Variants in EYA4 observed in about 807,000 individuals in gnomAD.
The protein encoded by EYA4 is EYA transcriptional coactivator and phosphatase 4, also known as protein phosphatase EYA4.
In EYA4, 31 loss-of-function variants were observed where a neutral mutation model predicts 87.9. That is an observed-to-expected ratio of 0.35 (90% CI 0.27 to 0.48). EYA4 has a LOEUF of 0.48. EYA4 is among the 20% of genes least tolerant of loss of function. The pLI is 0.99. For missense variants in EYA4, 678 were observed against 761.4 expected, an observed-to-expected ratio of 0.89 and a Z score of 1.29; for synonymous variants, 263 against 270.6, an observed-to-expected ratio of 0.97 and a Z score of 0.28.
chr6:133,385,547 TC>T (rs1786677221), intron 3 of EYA4, among the ~76,000 whole-genome samples: 1 of 151,904 alleles, frequency 6.6e-6, no homozygotes, highest in Non-Finnish European at 1.5e-5. Context: ...AAATACTGTA[TC>T]CGCATAAAAT....
At chr6:133,504,793 C>A (rs1458729444) in intron 13 of EYA4, among the ~76,000 whole-genome samples, 1 of 152,076 alleles carries the variant, frequency 6.6e-6, no homozygotes, top group Non-Finnish European at 1.5e-5. Context: ...TACTGCTTGG[C>A]CTGACCTGGG....
chr6:133,530,071 C>A lies in EYA4; in HGVS notation c.*1266C>A. 1 of 984,902 alleles carries A rather than the reference C, an allele frequency of 1.0e-6. No homozygotes were observed. Among genetic ancestry groups the A allele is most frequent in the Non-Finnish European group, 1.2e-6 (1 of 829,438 alleles). 61.0% of individuals were successfully genotyped at this position (984,902 alleles called of 1,614,324 possible). A position where few individuals can be genotyped will look rare whatever the true frequency, so the allele number is the denominator to read the frequency against. ...ATATCATCAGAAATGGAAGGCAGTT[C>A]TCCCAGATGGTGTCTAATGAAAGCA... On this transcript the variant is annotated 3_prime_UTR_variant, in exon 20 of 20. Transcript: ENST00000355286.
chr6:133,429,137 G>T (rs964077177), intron 3 of EYA4, among the ~76,000 whole-genome samples: 3 of 151,596 alleles, frequency 2.0e-5, no homozygotes, highest in Admixed American at 2.0e-4. Context: ...ATGTCAGTCA[G>T]GCTGGTCTCT....
intron 5 of EYA4, 47 bp downstream of exon 5, chr6:133,448,226 G>A (rs1793056568): frequency 1.4e-6 from 2 of 1,408,202 alleles, no homozygotes; most frequent in South Asian, 2.3e-5. Flanking sequence ...GTGTGGATTT[G>A]CCCCTCTGGA....
chr6:133,311,654 A>G (rs1193550479), intron 2 of EYA4, among the ~76,000 whole-genome samples: 1 of 152,108 alleles, frequency 6.6e-6, no homozygotes. Flanking sequence ...CCTCACCTCC[A>G]AAGCCCTTCA....
intron 11 of EYA4, among the ~76,000 whole-genome samples, chr6:133,476,219 A>G (rs571657763): frequency 7.2e-5 from 11 of 152,116 alleles, no homozygotes; most frequent in Non-Finnish European, 1.6e-4. Flanking sequence ...GAGCTGATTA[A>G]CATATGCATT....
In EYA4 at chr6:133,481,473, T is replaced by C; in HGVS notation, c.981T>C (p.Asp327=). 6.2e-7 allele frequency: 1 copy of C among 1,613,830 alleles called. No individual in the cohort carries two copies. The highest frequency in any genetic ancestry group is 8.5e-7 in the Non-Finnish European group (1 of 1,179,820). ...TCATGTTATCTATAGGAGAGTTCGA[T>C]ACCATGCAGAGTCCCTCCACACCCA... ...PGLTNQPGEF[D]TMQSPSTPIK... The change falls in exon 12 of 20, where the codon GAT becomes GAC. Residue 327 remains aspartate, a synonymous_variant. Transcript: ENST00000355286.
intron 6 of EYA4, among the ~76,000 whole-genome samples, chr6:133,459,768 T>C (rs1178013214): frequency 6.6e-6 from 1 of 152,108 alleles, no homozygotes; most frequent in Non-Finnish European, 1.5e-5. Context: ...AAGTAATAGT[T>C]TATTGGTCAA....
At chr6:133,258,759 C>G (rs183381928) in intron 1 of EYA4, among the ~76,000 whole-genome samples, 1 of 152,004 alleles carries the variant, frequency 6.6e-6, no homozygotes, top group East Asian at 1.9e-4. Flanking sequence ...AGCATTTGGA[C>G]CCCTGGGAGA....
chr6:133,408,402 T>G (rs564829739), intron 3 of EYA4, among the ~76,000 whole-genome samples: 1 of 152,216 alleles, frequency 6.6e-6, no homozygotes, highest in Non-Finnish European at 1.5e-5. Flanking sequence ...GAATGATTTA[T>G]GTAGAGGTTA....
intron 2 of EYA4, among the ~76,000 whole-genome samples, chr6:133,317,480 T>A (rs1780717872): frequency 6.6e-6 from 1 of 152,206 alleles, no homozygotes; most frequent in Non-Finnish European, 1.5e-5. Context: ...TTAATAATAA[T>A]GTATTTCTGC....
At chr6:133,412,794 C>T (rs1346583508) in intron 3 of EYA4, among the ~76,000 whole-genome samples, 1 of 152,188 alleles carries the variant, frequency 6.6e-6, no homozygotes, top group African/African-American at 2.4e-5. Context: ...CTTTTCTCTT[C>T]ATCTTCTTTA....
chr6:133,365,938 A>G (rs1314877331), intron 2 of EYA4, among the ~76,000 whole-genome samples: 3 of 152,212 alleles, frequency 2.0e-5, no homozygotes, highest in Non-Finnish European at 2.9e-5. Context: ...ATTCCAGAGC[A>G]TCGGAATACA....
intron 12 of EYA4, among the ~76,000 whole-genome samples, chr6:133,482,433 T>C (rs529758190): frequency 1.4e-4 from 21 of 152,314 alleles, no homozygotes; most frequent in African/African-American, 5.1e-4. Flanking sequence ...CACTGCCATG[T>C]AGGAATGGCA....
intron 2 of EYA4, among the ~76,000 whole-genome samples, chr6:133,285,804 TAGAA>T (rs1388075532): frequency 4.6e-5 from 7 of 152,140 alleles, no homozygotes; most frequent in Non-Finnish European, 8.8e-5. Context: ...TGGATTATGA[TAGAA>T]AGAAAGGTGT....
At chr6:133,310,420 T>C (rs972268427) in intron 2 of EYA4, among the ~76,000 whole-genome samples, 1 of 152,232 alleles carries the variant, frequency 6.6e-6, no homozygotes, top group South Asian at 2.1e-4. Context: ...AGCTAATCAT[T>C]TGACATATAA....
rs564432203 is a variant in EYA4, at chr6:133,485,972, G to A, written c.1191+2857G>A. ...TCAGATAAACTTAAGTTCGAAAATC[G>A]AGTTCTGATGCTTACAGCATTCTGA... On this transcript the variant is annotated intron_variant, in intron 13 of 19. Coordinates refer to ENST00000355286, the MANE Select transcript of EYA4 (RefSeq NM_004100.5). Among the ~76,000 whole-genome samples the A allele has an allele frequency of 3.5e-4, 54 of 152,284 alleles. No individual in the cohort carries two copies. The Middle Eastern group carries it at 0.01, about 29-fold the overall frequency.
intron 2 of EYA4, among the ~76,000 whole-genome samples, chr6:133,360,049 A>G (rs1784342169): frequency 6.6e-6 from 1 of 152,190 alleles, no homozygotes; most frequent in South Asian, 2.1e-4. Flanking sequence ...CTGCCCTGTG[A>G]CCTTTTCTTC....
chr6:133,498,855 G>C (rs1268073395), intron 13 of EYA4, among the ~76,000 whole-genome samples: 1 of 152,280 alleles, frequency 6.6e-6, no homozygotes. Flanking sequence ...TCAGAGCTTC[G>C]TGTTGAGTAT....
Sources: allele counts gnomAD v4.1 joint callset (sites outside exome capture counted in the v4.1 genomes callset), GRCh38; gene constraint gnomAD v4.1.1; transcripts MANE v1.5; gene names NCBI Gene and HGNC (gene_info 2026-07-23, HGNC 2026-07-21).